Variants in ACSL1 observed in about 807,000 individuals in gnomAD.
ACSL1 encodes the protein long-chain-fatty-acid--CoA ligase 1.
A neutral mutation model predicts 98.4 loss-of-function variants in ACSL1; 41 were observed. The ratio of observed to expected loss-of-function variants is 0.42; its 90% CI spans 0.32 to 0.54. The LOEUF (loss-of-function observed/expected upper bound fraction) is 0.54, where lower values mean the gene tolerates loss of function less well. Among genes scored for constraint, ACSL1 ranks in the 20% least tolerant of loss-of-function variants. The pLI, the probability that ACSL1 is intolerant of heterozygous loss-of-function variation, is 0.13. For missense variants in ACSL1, 734 were observed against 883.1 expected (o/e 0.83, Z 2.14); for synonymous variants, 316 against 322.7 (o/e 0.98, Z 0.22).
chr4:184,813,980 A>G (rs560222890), intron 1 of ACSL1: 19 of 435,630 alleles, frequency 4.4e-5, no homozygotes, highest in African/African-American at 3.0e-4. Context: ...CGTGGTGACT[A>G]TGGAAATAAA....
intron 2 of ACSL1, among the ~76,000 whole-genome samples, chr4:184,795,453 G>T (rs1418723685): frequency 6.6e-6 from 1 of 152,146 alleles, no homozygotes; most frequent in African/African-American, 2.4e-5. Context: ...TATTCCCTAC[G>T]TATCTGTAGT....
At chr4:184,813,457 C>T (rs1772321824) in intron 1 of ACSL1, among the ~76,000 whole-genome samples, 1 of 152,128 alleles carries the variant, frequency 6.6e-6, no homozygotes, top group South Asian at 2.1e-4. Flanking sequence ...AATCCTTCTG[C>T]AAAGAGCAAG....
chr4:184,807,550 C>T (rs1007367520), intron 1 of ACSL1, among the ~76,000 whole-genome samples: 48 of 152,258 alleles, frequency 3.2e-4, no homozygotes, highest in Non-Finnish European at 4.0e-4. Context: ...TGGGCACAAG[C>T]CCAGTGTAAA....
chr4:184,757,916 A>C lies in ACSL1; in HGVS notation c.1787T>G (p.Phe596Cys). The C allele has an allele frequency of 6.2e-7, 1 of 1,613,848 alleles. No individual in the cohort carries two copies. Among genetic ancestry groups the C allele is most frequent in the Non-Finnish European group, 8.5e-7 (1 of 1,179,786 alleles). ...VFVHGESLQA[F>C]LIAIVVPDVE... ...ATCTGGTACCACAATTGCAATGAGA[A>C]ATGCCTTTAACACAGACAAATGAGT... The change falls in exon 19 of 21, where the codon TTT (phenylalanine) becomes TGT (cysteine). Residue 596 changes from phenylalanine (F) to cysteine (C), a missense_variant. Coordinates refer to ENST00000281455, the MANE Select transcript of ACSL1 (RefSeq NM_001995.5). This position sits in a 1 kb window ranked among gnomAD's most constrained non-coding sequence, Gnocchi z 4.5.
intron 10 of ACSL1, among the ~76,000 whole-genome samples, chr4:184,772,774 T>A (rs1312102444): frequency 6.6e-6 from 1 of 152,222 alleles, no homozygotes; most frequent in Non-Finnish European, 1.5e-5. Context: ...AGAGAGTCCA[T>A]CTCTTCTCTG....
chr4:184,823,594 C>T (rs1773234824), intron 1 of ACSL1, among the ~76,000 whole-genome samples: 1 of 152,130 alleles, frequency 6.6e-6, no homozygotes, highest in Admixed American at 6.5e-5. Context: ...TATCTTTTCT[C>T]AAAAGCCTCC....
chr4:184,789,187 G>A (rs1767924498), intron 2 of ACSL1, among the ~76,000 whole-genome samples: 2 of 152,212 alleles, frequency 1.3e-5, no homozygotes, highest in African/African-American at 2.4e-5. Context: ...GTAAACACAG[G>A]CTTCGGGGAA....
chr4:184,767,080 G>C (rs1763724340), intron 12 of ACSL1, among the ~76,000 whole-genome samples: 2 of 152,110 alleles, frequency 1.3e-5, no homozygotes, highest in Admixed American at 6.5e-5. Context: ...TCAGGAGTTT[G>C]AGTCCAGTGT....
At chr4:184,810,977 T>C (rs1407395555) in intron 1 of ACSL1, among the ~76,000 whole-genome samples, 5 of 152,118 alleles carry the variant, frequency 3.3e-5, no homozygotes, top group African/African-American at 4.8e-5. Context: ...ACAGGATGAG[T>C]GCCTGGGTCT....
At chr4:184,762,833 A>G (rs1579834566) in intron 16 of ACSL1, among the ~76,000 whole-genome samples, 1 of 152,372 alleles carries the variant, frequency 6.6e-6, no homozygotes, top group East Asian at 1.9e-4. Context: ...CTTCCCATCC[A>G]GCAGCCAGCA....
At chr4:184,816,951 G>A (rs767014404) in intron 1 of ACSL1, among the ~76,000 whole-genome samples, 2 of 152,032 alleles carry the variant, frequency 1.3e-5, no homozygotes, top group African/African-American at 2.4e-5. Context: ...CAAGAAAAAC[G>A]CCCATATATT....
chr4:184,814,290 CAAAAAAAAAAAAAAA>C (rs61541962), intron 1 of ACSL1, among the ~76,000 whole-genome samples: 1 of 64,550 alleles, frequency 1.5e-5, no homozygotes, highest in African/African-American at 6.1e-5. Flanking sequence ...GACTCCGCCT[CAAAAAAAAAAAAAAA>C]AAAAAAAAGG....
chr4:184,762,655 G>A, intron 16 of ACSL1, 132 bp from the exon 17 acceptor site: 2 of 755,504 alleles, frequency 2.6e-6, no homozygotes, highest in East Asian at 2.6e-5. Flanking sequence ...GATGCAGAGG[G>A]AGTTACCAGA....
intron 1 of ACSL1, among the ~76,000 whole-genome samples, chr4:184,813,390 G>A (rs1037820748): frequency 8.5e-5 from 13 of 152,288 alleles, no homozygotes; most frequent in African/African-American, 2.4e-4. Context: ...GATAGCCTCC[G>A]TCAACAGCTT....
intron 3 of ACSL1, among the ~76,000 whole-genome samples, chr4:184,787,846 A>G (rs1447626459): frequency 7.0e-6 from 1 of 142,038 alleles, no homozygotes; most frequent in Non-Finnish European, 1.5e-5. Flanking sequence ...CCTGGGCAAC[A>G]AGAGCAAAAC....
Position 184,755,788 on chromosome 4 carries a change from C to T in ACSL1, c.*1337G>A, listed in dbSNP as rs115588848. 6 of 152,724 alleles carry T rather than the reference C, an allele frequency of 3.9e-5. No individual in the cohort carries two copies. In the South Asian group the frequency reaches 1.0e-3, roughly 26 times the overall value. 9.5% of individuals were successfully genotyped at this position (152,724 alleles called of 1,614,324 possible). A position where few individuals can be genotyped will look rare whatever the true frequency, so the allele number is the denominator to read the frequency against. ...CTACCAAGTAGTGTTATTACAATGA[C>T]AATTCTTTAGTGCAAGCCCTGTTGT... On this transcript the variant is annotated 3_prime_UTR_variant, in exon 21 of 21. Transcript: ENST00000281455.
Position 184,773,294 on chromosome 4 carries a change from A to C in ACSL1, c.842-140T>G. On this transcript the variant is annotated intron_variant, in intron 9 of 20. Transcript: ENST00000281455. The surrounding 1 kb of genome is among the most constrained non-coding windows in gnomAD (Gnocchi z 4.3). ...ACCAAATGTTGAACACTAAATTCCT[A>C]AGCAACCTGCAATCCTTACACTGAC... The C allele has an allele frequency of 1.4e-6, 1 of 721,392 alleles. No homozygotes were observed. Among genetic ancestry groups the C allele is most frequent in the South Asian group, 1.8e-5 (1 of 54,546 alleles). 44.7% of individuals were successfully genotyped at this position (721,392 alleles called of 1,614,324 possible).
chr4:184,805,583 G>A, intron 1 of ACSL1: 1 of 935,522 alleles, frequency 1.1e-6, no homozygotes, highest in Non-Finnish European at 1.3e-6. Context: ...ACACAGAAGA[G>A]GGCAATGAGC....
chr4:184,787,955 G>A (rs1004340000), intron 3 of ACSL1, among the ~76,000 whole-genome samples: 3 of 152,078 alleles, frequency 2.0e-5, no homozygotes, highest in Non-Finnish European at 2.9e-5. Flanking sequence ...CTCACTTGAG[G>A]TCAGAAGTTT....
Sources: allele counts gnomAD v4.1 joint callset (sites outside exome capture counted in the v4.1 genomes callset), GRCh38; gene constraint gnomAD v4.1.1; non-coding constraint Gnocchi (gnomAD v3.1); transcripts MANE v1.5; gene names NCBI Gene and HGNC (gene_info 2026-07-23, HGNC 2026-07-21).